Variants in GRIA1 observed in about 807,000 individuals in gnomAD.
GRIA1 encodes the protein glutamate ionotropic receptor AMPA type subunit 1.
In GRIA1, 31 loss-of-function variants were observed where a neutral mutation model predicts 99.2. The ratio of observed to expected loss-of-function variants is 0.31; its 90% confidence interval spans 0.23 to 0.42. The LOEUF (loss-of-function observed/expected upper bound fraction) is 0.42. Ranked by LOEUF, GRIA1 falls within the 10% of genes least tolerant of loss-of-function variation. The pLI is 1.00. For synonymous variants in GRIA1, 438 were observed against 432.4 expected, an observed-to-expected ratio of 1.01 and a Z score of -0.16; for missense variants, 782 against 1,157.5, an observed-to-expected ratio of 0.68 and a Z score of 4.71.
At chr5:153,714,862 C>T (rs1220235350) in intron 11 of GRIA1, among the ~76,000 whole-genome samples, 1 of 152,208 alleles carries the variant, frequency 6.6e-6, no homozygotes, top group Non-Finnish European at 1.5e-5. Context: ...CCAAGACACC[C>T]AGCAGAAAAT....
At position 153,698,935 on chromosome 5, in the gene GRIA1, C is replaced by T; in HGVS notation, c.1314C>T (p.Tyr438=). ...AGGGCAATGACCGTTACGAGGGCTA[C>T]TGTGTAGAGCTGGCGGCAGAGATTG... ...QFEGNDRYEG[Y]CVELAAEIAK... Residue 438 remains tyrosine, a synonymous_variant, in exon 10 of 16, where the codon TAC becomes TAT. Coordinates refer to ENST00000285900, the MANE Select transcript of GRIA1 (RefSeq NM_000827.4). The T allele has an allele frequency of 6.2e-7, 1 of 1,613,612 alleles. No homozygotes were observed. Among genetic ancestry groups the T allele is most frequent in the Non-Finnish European group, 8.5e-7 (1 of 1,179,522 alleles).
intron 2 of GRIA1, among the ~76,000 whole-genome samples, chr5:153,510,258 G>A (rs936813440): frequency 6.6e-6 from 1 of 152,150 alleles, no homozygotes; most frequent in Non-Finnish European, 1.5e-5. Flanking sequence ...AAGTGTTTGA[G>A]GAATGAACTG....
intron 11 of GRIA1, 181 bp downstream of exon 11, chr5:153,706,248 TG>T: frequency 1.6e-6 from 1 of 641,350 alleles, no homozygotes; most frequent in South Asian, 1.9e-5. Flanking sequence ...TGGATCATCC[TG>T]TAGCTGGGCC....
intron 11 of GRIA1, among the ~76,000 whole-genome samples, chr5:153,729,187 G>A (rs1760817390): frequency 6.8e-6 from 1 of 146,204 alleles, no homozygotes; most frequent in Non-Finnish European, 1.5e-5. Context: ...TGAACAATGA[G>A]AACACATGGA....
chr5:153,630,951 C>A (rs566947762), intron 2 of GRIA1, among the ~76,000 whole-genome samples: 1 of 152,234 alleles, frequency 6.6e-6, no homozygotes, highest in East Asian at 1.9e-4. Flanking sequence ...TTAATGGTAA[C>A]GCCATTTGGA....
At chr5:153,730,581 G>GT (rs1760932846) in intron 11 of GRIA1, among the ~76,000 whole-genome samples, 1 of 151,964 alleles carries the variant, frequency 6.6e-6, no homozygotes, top group Non-Finnish European at 1.5e-5. Flanking sequence ...ATTATAAAGG[G>GT]TTTTGAAAAC....
intron 11 of GRIA1, among the ~76,000 whole-genome samples, chr5:153,756,623 C>T (rs1197359647): frequency 6.6e-6 from 1 of 152,178 alleles, no homozygotes; most frequent in Non-Finnish European, 1.5e-5. Context: ...ACCCATCTTT[C>T]CCATACAGCT....
At chr5:153,511,567 A>T (rs184993823) in intron 2 of GRIA1, among the ~76,000 whole-genome samples, 1 of 152,286 alleles carries the variant, frequency 6.6e-6, no homozygotes, top group African/African-American at 2.4e-5. Flanking sequence ...GTACCCAACA[A>T]TCTGGGGACC....
chr5:153,727,051 C>T (rs1318992198), intron 11 of GRIA1, among the ~76,000 whole-genome samples: 1 of 152,256 alleles, frequency 6.6e-6, no homozygotes, highest in African/African-American at 2.4e-5. Context: ...ATCAAGTGGG[C>T]TTCATCCCTG....
upstream of GRIA1, chr5:153,489,917 G>A: frequency 2.2e-6 from 1 of 449,732 alleles, no homozygotes; most frequent in South Asian, 1.6e-5. Flanking sequence ...AAAGAGAGAA[G>A]GGGGCCCATT....
chr5:153,546,808 G>A (rs1759656967), intron 2 of GRIA1, among the ~76,000 whole-genome samples: 1 of 152,182 alleles, frequency 6.6e-6, no homozygotes, highest in African/African-American at 2.4e-5. Flanking sequence ...TTGGACCAGT[G>A]CCTTATAAGG....
At chr5:153,685,429 T>G (rs1013327023) in intron 7 of GRIA1, among the ~76,000 whole-genome samples, 2 of 152,250 alleles carry the variant, frequency 1.3e-5, no homozygotes, top group African/African-American at 4.8e-5. Context: ...TGTGGAGAAG[T>G]CTCATGCGGC....
chr5:153,652,921 G>A (rs1354786487), intron 4 of GRIA1, among the ~76,000 whole-genome samples: 1 of 152,050 alleles, frequency 6.6e-6, no homozygotes, highest in Non-Finnish European at 1.5e-5. Context: ...AACTGGGAAC[G>A]TACCTGGGAT....
At chr5:153,668,458 T>A (rs73285434) in intron 5 of GRIA1, among the ~76,000 whole-genome samples, 3,247 of 152,322 alleles carry the variant, frequency 0.021, 103 homozygotes, top group African/African-American at 0.074. Context: ...TGGAACTATA[T>A]GACATTAAAT....
At chr5:153,733,608 A>G (rs1315694203) in intron 11 of GRIA1, among the ~76,000 whole-genome samples, 2 of 152,198 alleles carry the variant, frequency 1.3e-5, no homozygotes, top group Admixed American at 1.3e-4. Flanking sequence ...CATGCTGCCT[A>G]TAAGAGACTT....
chr5:153,645,719 CA>C (rs1395127551), intron 2 of GRIA1, among the ~76,000 whole-genome samples: 1 of 152,088 alleles, frequency 6.6e-6, no homozygotes, highest in Non-Finnish European at 1.5e-5. Context: ...TTTGAGATCC[CA>C]TACACAGTGG....
Position 153,811,064 on chromosome 5 carries a change from A to G in GRIA1, c.2560A>G (p.Ile854Val). ...CCCACAGCAATCCATCAACGAAGCC[A>G]TACGGACATCGACCCTCCCCCGCAA... is the stretch of plus-strand genomic sequence containing the variant. Reference protein sequence around the residue: ...LIPQQSINEAIRTSTLPRNSG... With the variant: ...LIPQQSINEAVRTSTLPRNSG... Residue 854 changes from isoleucine to valine, a missense_variant, in exon 16 of 16, where the codon ATA (isoleucine) becomes GTA (valine). Transcript: ENST00000285900. The G allele has an allele frequency of 6.2e-7, 1 of 1,614,214 alleles. No individual in the cohort carries two copies. Among genetic ancestry groups the G allele is most frequent in the South Asian group, 1.1e-5 (1 of 91,088 alleles).
intron 11 of GRIA1, among the ~76,000 whole-genome samples, chr5:153,724,894 G>C (rs1335028131): frequency 1.3e-5 from 2 of 152,118 alleles, no homozygotes; most frequent in Non-Finnish European, 2.9e-5. Flanking sequence ...GAAATACAGA[G>C]AATGTCACAA....
rs142534334 is a variant in GRIA1 at position 153,650,670 on chromosome 5, A to G, written c.645+156A>G. Among the ~76,000 whole-genome samples the G allele has an allele frequency of 3.1e-3, 464 of 152,124 alleles. 3 individuals are homozygous for G. The highest frequency in any genetic ancestry group is 9.6e-3 in the African/African-American group (399 of 41,526). ...TATCTCATTTTCTATAATTCACAAA[A>G]TTTAATTCTGAAATAGCACAAACAA... On this transcript the variant is annotated intron_variant, in intron 4 of 15. Transcript: ENST00000285900.
Sources: gnomAD v4.1 joint callset for allele counts (sites outside exome capture counted in the v4.1 genomes callset) on GRCh38, gnomAD v4.1.1 for gene constraint, MANE v1.5 for transcripts, NCBI Gene and HGNC (gene_info 2026-07-23, HGNC 2026-07-21) for gene names.